ENGASE: variants seen among roughly 807,000 people sequenced by gnomAD.
ENGASE encodes the protein cytosolic endo-beta-N-acetylglucosaminidase.
A neutral mutation model predicts 78.5 loss-of-function variants in ENGASE; 69 were observed. The ratio of observed to expected loss-of-function variants is 0.88; its 90% confidence interval spans 0.72 to 1.07. The LOEUF (loss-of-function observed/expected upper bound fraction) is 1.07. Among genes scored for constraint, ENGASE ranks in the 50% least tolerant of loss-of-function variants. ENGASE has a pLI of 0.00. For synonymous variants in ENGASE, 408 were observed against 408.9 expected (o/e 1.00, Z 0.03); for missense variants, 943 against 988.4 (o/e 0.95, Z 0.62).
chr17:79,075,970 G>A (rs1293763564), intron 1 of ENGASE: 43 of 907,644 alleles, frequency 4.7e-5, no homozygotes, highest in Non-Finnish European at 5.1e-5. Context: ...CGAGGAAGGG[G>A]GCTTTGGAAA....
intron 3 of ENGASE, among the ~76,000 whole-genome samples, chr17:79,078,476 G>T (rs72853344): frequency 6.6e-6 from 1 of 151,882 alleles, no homozygotes; most frequent in African/African-American, 2.4e-5. Context: ...AGCAGGCAGG[G>T]GGTCCTCTTC....
intron 1 of ENGASE, among the ~76,000 whole-genome samples, chr17:79,075,482 C>T (rs1260143318): frequency 6.6e-6 from 1 of 152,220 alleles, no homozygotes; most frequent in Non-Finnish European, 1.5e-5. Flanking sequence ...GAAGGGGTGG[C>T]CTTCTGTAGG....
intron 6 of ENGASE, among the ~76,000 whole-genome samples, chr17:79,081,594 C>T (rs532590015): frequency 6.6e-6 from 1 of 152,144 alleles, no homozygotes; most frequent in South Asian, 2.1e-4. Flanking sequence ...TGCTCGCTGC[C>T]CCTGGGGAAC....
rs1468142270 is a variant in ENGASE at position 79,083,717 on chromosome 17, C to G, written c.1252-44C>G. On this transcript the variant is annotated intron_variant, in intron 9 of 13. Transcript: ENST00000579016. The surrounding 1 kb of genome is among the most constrained non-coding windows in gnomAD (Gnocchi z 4.9). ...CCCTGCCGCTCCGGGCACCCCTGCT[C>G]TGTTGGCCTCTGCTGAGTGCCCCTG... is the stretch of plus-strand genomic sequence containing the variant. The G allele has an allele frequency of 1.3e-6, 2 of 1,585,508 alleles. No homozygotes were observed. The highest frequency in any genetic ancestry group is 1.3e-5 in the African/African-American group (1 of 74,152).
In ENGASE at chr17:79,077,470, G is replaced by T. The variant is rs1214479093; in HGVS notation, c.187G>T (p.Val63Phe). 9.5e-6 allele frequency: 15 copies of T among 1,572,868 alleles called. No homozygotes were observed. Among genetic ancestry groups the T allele is most frequent in the East Asian group, 2.2e-5 (1 of 44,700 alleles). Residue 63 changes from valine (V) to phenylalanine (F), a missense_variant, in exon 2 of 14, where the codon GTC (valine) becomes TTC (phenylalanine). Physicochemically the swap from Val to Phe is conservative, Grantham distance 50 (BLOSUM62 -1). Coordinates refer to ENST00000579016, the MANE Select transcript of ENGASE (RefSeq NM_001042573.3). Reference sequence around the variant, plus strand: ...AGAAGAGACAGTCTTTCGAGAGGTGGTCAGTTTTTCCCCGGACCCCCTGCC... The same window carrying T: ...AGAAGAGACAGTCTTTCGAGAGGTGTTCAGTTTTTCCCCGGACCCCCTGCC... ...EEEETVFREV[V>F]SFSPDPLPVR...
chr17:79,085,980 C>G lies in ENGASE; in HGVS notation c.1863C>G (p.Ala621=), dbSNP rs755770935. Residue 621 remains alanine (A), a synonymous_variant, in exon 14 of 14, where the codon GCC becomes GCG. Coordinates refer to ENST00000579016, the MANE Select transcript of ENGASE (RefSeq NM_001042573.3). ...TGGCCCCTCTGCCCCAGGTGCAGGC[C>G]GTCACCATCTCTCACATCCGCTGGC... ...SLLAPLPQVQ[A]VTISHIRWQP... The G allele has an allele frequency of 3.1e-6, 5 of 1,608,208 alleles. No homozygotes were observed. The highest frequency in any genetic ancestry group is 4.2e-6 in the Non-Finnish European group (5 of 1,179,730).
rs1251031293 is a variant in ENGASE at position 79,087,426 on chromosome 17, GCT to G, written c.*1080_*1081del. 1.8e-5 allele frequency: 4 copies of G among 220,272 alleles called. No homozygotes were observed. The highest frequency in any genetic ancestry group is 2.8e-5 in the Non-Finnish European group (3 of 106,544). 13.6% of individuals were successfully genotyped at this position (220,272 alleles called of 1,614,324 possible). The stretch of plus-strand genomic sequence containing the variant: ...ACAGGCGCCTTCCTCTGTCCTTCCT[GCT>G]CTTTCTTCTCTGCCCAGGCCGCTGC... On this transcript the variant is annotated 3_prime_UTR_variant, in exon 14 of 14. Transcript: ENST00000579016.
At chr17:79,080,836 G>C in intron 5 of ENGASE, 89 bp from the exon 6 acceptor site, 1 of 1,495,036 alleles carries the variant, frequency 6.7e-7, no homozygotes, top group African/African-American at 1.4e-5. Context: ...TGTTTGCTCT[G>C]CATCCCCCTG....
In ENGASE at chr17:79,082,061, A is replaced by G. The variant is rs745704710; in HGVS notation, c.1036A>G (p.Lys346Glu). Residue 346 changes from lysine to glutamate, a missense_variant and splice_region_variant, in exon 7 of 14, where the codon AAG (lysine) becomes GAG (glutamate). Coordinates refer to ENST00000579016, the MANE Select transcript of ENGASE (RefSeq NM_001042573.3). The stretch of plus-strand genomic sequence containing the variant: ...GGTCGGAGGCCGATTCGACACAGAC[A>G]AGGTGGGTGGTGGCTTTCGTCCAAG... ...NVVGGRFDTD[K>E]SLELIRKHGF... 1.2e-6 allele frequency: 2 copies of G among 1,614,204 alleles called. No individual in the cohort carries two copies. The highest frequency in any genetic ancestry group is 1.3e-5 in the African/African-American group (1 of 75,060).
At position 79,079,484 on chromosome 17, in the gene ENGASE, C is replaced by T. The variant is rs763212636; in HGVS notation, c.417-5C>T. 2 of 1,612,046 alleles carry T rather than the reference C, an allele frequency of 1.2e-6. No individual in the cohort carries two copies. The highest frequency in any genetic ancestry group is 3.4e-5 in the Admixed American group (2 of 59,618). ...TGGCCAGCCCTGTTCTGTTTCTTTC[C>T]CCAGGTTCATTCAGGGCTCGGTGGT... On this transcript the variant is annotated splice_polypyrimidine_tract_variant and splice_region_variant and intron_variant, in intron 3 of 13. Coordinates refer to ENST00000579016, the MANE Select transcript of ENGASE (RefSeq NM_001042573.3).
chr17:79,079,672 ACTC>A (rs2073074016), intron 4 of ENGASE, 35 bp downstream of exon 4: 1 of 1,592,430 alleles, frequency 6.3e-7, no homozygotes, highest in African/African-American at 1.4e-5. Context: ...TGTCAGCCAG[ACTC>A]CTCAGCTCAC....
At chr17:79,085,784 G>C (rs750184852) in intron 13 of ENGASE, 50 bp downstream of exon 13, 2 of 1,605,508 alleles carry the variant, frequency 1.2e-6, no homozygotes, top group East Asian at 4.5e-5. Flanking sequence ...TGTCCAGCTG[G>C]AGTGGGGGTG....
At chr17:79,082,250 C>T (rs1210787547) in intron 7 of ENGASE, 187 bp downstream of exon 7, 1 of 1,535,484 alleles carries the variant, frequency 6.5e-7, no homozygotes, top group Admixed American at 2.0e-5. Context: ...CCACTGAAAC[C>T]CCTTTCCCGG....
chr17:79,084,892 G>A (rs545661134), intron 11 of ENGASE, among the ~76,000 whole-genome samples: 28 of 152,232 alleles, frequency 1.8e-4, no homozygotes, highest in African/African-American at 6.0e-4. Flanking sequence ...CTGTGTCCTC[G>A]TCGGGCAGCT....
In ENGASE at chr17:79,086,839, G is replaced by T. The variant is rs1459660110; in HGVS notation, c.*490G>T. On this transcript the variant is annotated 3_prime_UTR_variant, in exon 14 of 14. Transcript: ENST00000579016. ...GAGCTACAGCAGCTCCTGGGGTGGG[G>T]CTGCCTGCGGGATGGCGGGAGAGGA... 4.7e-6 allele frequency: 2 copies of T among 427,800 alleles called. No homozygotes were observed. The highest frequency in any genetic ancestry group is 4.7e-6 in the Non-Finnish European group (1 of 211,708). 26.5% of individuals were successfully genotyped at this position (427,800 alleles called of 1,614,324 possible).
Position 79,084,609 on chromosome 17 carries a change from C to G in ENGASE, c.1514C>G (p.Thr505Arg), listed in dbSNP as rs1232770384. 1 of 1,611,714 alleles carries G rather than the reference C, an allele frequency of 6.2e-7. No individual in the cohort carries two copies. The change falls in exon 11 of 14, where the codon ACG (threonine) becomes AGG (arginine). Residue 505 changes from threonine (T) to arginine (R), a missense_variant. By Grantham distance (71) the Thr-to-Arg change is moderately conservative (BLOSUM62 -1). Coordinates refer to ENST00000579016, the MANE Select transcript of ENGASE (RefSeq NM_001042573.3). Reference protein sequence around the residue: ...LSMVYKLEGPTDVTVALELTT... With the variant: ...LSMVYKLEGPRDVTVALELTT... Reference sequence around the variant, plus strand: ...ATGGTGTATAAGCTTGAGGGGCCCACGGACGTCACAGTTGCTTTGGAGCTG... The same window carrying G: ...ATGGTGTATAAGCTTGAGGGGCCCAGGGACGTCACAGTTGCTTTGGAGCTG...
chr17:79,087,075 T>C lies in ENGASE; in HGVS notation c.*726T>C. 1 of 463,338 alleles carries C rather than the reference T, an allele frequency of 2.2e-6. No individual in the cohort carries two copies. 28.7% of individuals were successfully genotyped at this position (463,338 alleles called of 1,614,324 possible). On this transcript the variant is annotated 3_prime_UTR_variant, in exon 14 of 14. Transcript: ENST00000579016. ...TGGCTCTGCGGCGTCTCTTCCGGGC[T>C]GTGGGCATGCAGGGAAGTGGCTCTG...
At chr17:79,075,360 G>A (rs1033203105) in intron 1 of ENGASE, among the ~76,000 whole-genome samples, 3 of 152,224 alleles carry the variant, frequency 2.0e-5, no homozygotes, top group Non-Finnish European at 4.4e-5. Context: ...TGGCCGCGGG[G>A]CCCAGCGGGA....
Position 79,087,264 on chromosome 17 carries a change from G to A in ENGASE, c.*915G>A. ...AGTGCAGGAGCTGCAGGACCCGCGG[G>A]GGCTTTTCCAGCTACTCTGTTCCTT... On this transcript the variant is annotated 3_prime_UTR_variant, in exon 14 of 14. Transcript: ENST00000579016. 2 of 346,658 alleles carry A rather than the reference G, an allele frequency of 5.8e-6. No homozygotes were observed. The highest frequency in any genetic ancestry group is 1.5e-4 in the East Asian group (2 of 13,378). The allele number at this position is 346,658 out of a possible 1,614,324, so 21.5% of individuals were successfully genotyped here.
Sources: allele counts gnomAD v4.1 joint callset (sites outside exome capture counted in the v4.1 genomes callset), GRCh38; gene constraint gnomAD v4.1.1; non-coding constraint Gnocchi (gnomAD v3.1); transcripts MANE v1.5; gene names NCBI Gene and HGNC (gene_info 2026-07-23, HGNC 2026-07-21).